Variants in ZNF804B observed in about 807,000 individuals in gnomAD.
ZNF804B encodes the protein zinc finger protein 804B.
A neutral mutation model predicts 101.4 loss-of-function variants in ZNF804B; 80 were observed. That is an observed-to-expected ratio of 0.79 (90% CI 0.66 to 0.95). ZNF804B has a LOEUF of 0.95. ZNF804B is among the 40% of genes least tolerant of loss of function. ZNF804B has a pLI of 0.00. For synonymous variants in ZNF804B, 622 were observed against 558.8 expected, an observed-to-expected ratio of 1.11 and a Z score of -1.59; for missense variants, 1,673 against 1,561.9, an observed-to-expected ratio of 1.07 and a Z score of -1.20.
intron 1 of ZNF804B, among the ~76,000 whole-genome samples, chr7:89,070,147 G>A (rs989623581): frequency 6.6e-6 from 1 of 152,180 alleles, no homozygotes; most frequent in Admixed American, 6.6e-5. Context: ...GTGTTATGAA[G>A]TAAAGTGGCA....
chr7:89,129,910 A>G (rs1397727302), intron 1 of ZNF804B, among the ~76,000 whole-genome samples: 1 of 152,020 alleles, frequency 6.6e-6, no homozygotes, highest in African/African-American at 2.4e-5. Flanking sequence ...TGGGTGAGTA[A>G]GAAGATTCTT....
chr7:88,929,325 A>G (rs1490284024), intron 1 of ZNF804B, among the ~76,000 whole-genome samples: 1 of 148,740 alleles, frequency 6.7e-6, no homozygotes, highest in East Asian at 2.0e-4. Flanking sequence ...TTACTTTTCT[A>G]CTATATCCCT....
intron 1 of ZNF804B, among the ~76,000 whole-genome samples, chr7:89,013,103 A>G (rs564590193): frequency 6.6e-6 from 1 of 152,250 alleles, no homozygotes; most frequent in African/African-American, 2.4e-5. Flanking sequence ...CCAAGATCCA[A>G]TTACCTCCAC....
intron 1 of ZNF804B, among the ~76,000 whole-genome samples, chr7:89,128,761 T>C (rs1790507006): frequency 6.6e-6 from 1 of 152,112 alleles, no homozygotes; most frequent in Non-Finnish European, 1.5e-5. Flanking sequence ...ACTAAATCAC[T>C]ATCTTTGCAT....
intron 1 of ZNF804B, among the ~76,000 whole-genome samples, chr7:89,157,699 A>C (rs930707901): frequency 2.0e-5 from 3 of 152,068 alleles, no homozygotes; most frequent in Non-Finnish European, 4.4e-5. Context: ...ACACATCCAA[A>C]TCTTTTCTAG....
At chr7:88,802,801 A>T (rs1012504582) in intron 1 of ZNF804B, among the ~76,000 whole-genome samples, 2 of 152,026 alleles carry the variant, frequency 1.3e-5, no homozygotes, top group African/African-American at 4.8e-5. Context: ...TGGAGTATAT[A>T]CTGAATATCA....
At chr7:89,087,173 T>A (rs1789817548) in intron 1 of ZNF804B, among the ~76,000 whole-genome samples, 1 of 151,872 alleles carries the variant, frequency 6.6e-6, no homozygotes. Flanking sequence ...GAAGCTTAAA[T>A]GAATTTCATT....
chr7:89,299,303 C>G (rs577094054), intron 2 of ZNF804B, among the ~76,000 whole-genome samples: 3 of 152,096 alleles, frequency 2.0e-5, no homozygotes, highest in African/African-American at 7.2e-5. Flanking sequence ...ATTATCAGGT[C>G]ACACAGCCCA....
intron 2 of ZNF804B, among the ~76,000 whole-genome samples, chr7:89,242,098 A>C (rs1381810743): frequency 6.6e-6 from 1 of 151,904 alleles, no homozygotes; most frequent in Non-Finnish European, 1.5e-5. Flanking sequence ...CAAAGTGCAT[A>C]ATCTCCTGAA....
intron 1 of ZNF804B, among the ~76,000 whole-genome samples, chr7:89,038,271 A>C (rs1178031909): frequency 1.3e-5 from 2 of 152,288 alleles, no homozygotes; most frequent in Admixed American, 6.5e-5. Flanking sequence ...ATACTAATTT[A>C]CATTTCTACC....
chr7:88,919,185 A>T (rs1792682800), intron 1 of ZNF804B, among the ~76,000 whole-genome samples: 1 of 152,146 alleles, frequency 6.6e-6, no homozygotes, highest in African/African-American at 2.4e-5. Context: ...GGTGTCTTGG[A>T]TAGAGCTGAA....
intron 1 of ZNF804B, among the ~76,000 whole-genome samples, chr7:89,029,035 G>GCA (rs1379303017): frequency 1.3e-5 from 2 of 152,132 alleles, no homozygotes; most frequent in African/African-American, 4.8e-5. Context: ...CATAGAACCA[G>GCA]CACACATAAG....
At chr7:89,317,853 A>G (rs1790758469) in intron 2 of ZNF804B, among the ~76,000 whole-genome samples, 1 of 152,202 alleles carries the variant, frequency 6.6e-6, no homozygotes, top group African/African-American at 2.4e-5. Flanking sequence ...AGATAAAATG[A>G]ACTTTTAGAG....
chr7:89,133,732 G>C (rs181377925), intron 1 of ZNF804B, among the ~76,000 whole-genome samples: 5 of 152,110 alleles, frequency 3.3e-5, no homozygotes, highest in Admixed American at 3.3e-4. Flanking sequence ...AAACGTCATG[G>C]CTAATGCACT....
chr7:89,107,456 C>T (rs755725623), intron 1 of ZNF804B, among the ~76,000 whole-genome samples: 1 of 152,106 alleles, frequency 6.6e-6, no homozygotes, highest in Middle Eastern at 3.2e-3. Context: ...ACCAACACTC[C>T]TTTCTTAGCA....
chr7:88,820,577 G>A (rs1790962128), intron 1 of ZNF804B, among the ~76,000 whole-genome samples: 1 of 152,182 alleles, frequency 6.6e-6, no homozygotes, highest in Non-Finnish European at 1.5e-5. Flanking sequence ...GTCACTTGAA[G>A]TAGATGCCTG....
intron 1 of ZNF804B, among the ~76,000 whole-genome samples, chr7:88,895,894 T>C (rs1792276248): frequency 6.6e-6 from 1 of 152,102 alleles, no homozygotes. Context: ...GTGGGGGAAA[T>C]AGACAAGTTT....
At chr7:89,182,151 A>G (rs1788306256) in intron 1 of ZNF804B, among the ~76,000 whole-genome samples, 1 of 152,214 alleles carries the variant, frequency 6.6e-6, no homozygotes, top group Admixed American at 6.5e-5. Flanking sequence ...AATCATAGAT[A>G]TTAAATCACT....
intron 1 of ZNF804B, among the ~76,000 whole-genome samples, chr7:89,207,130 G>C (rs1049563168): frequency 6.6e-6 from 1 of 152,136 alleles, no homozygotes; most frequent in Non-Finnish European, 1.5e-5. Flanking sequence ...TTGAACTTCT[G>C]CCTGTTACCC....
Sources: allele counts gnomAD v4.1 joint callset (sites outside exome capture counted in the v4.1 genomes callset), GRCh38; gene constraint gnomAD v4.1.1; transcripts MANE v1.5; gene names NCBI Gene and HGNC (gene_info 2026-07-23, HGNC 2026-07-21).